The following CRACR2A variants were observed in gnomAD, a reference collection of about 807,000 sequenced individuals.
CRACR2A encodes calcium release activated channel regulator 2A.
CRACR2A carries 79 observed loss-of-function variants against 90.5 expected under a neutral mutation model. The ratio of observed to expected loss-of-function variants is 0.87; its 90% CI spans 0.73 to 1.05. The LOEUF (loss-of-function observed/expected upper bound fraction) is 1.05, where lower values mean the gene tolerates loss of function less well. Ranked by LOEUF, CRACR2A falls within the 50% of genes least tolerant of loss-of-function variation. The pLI, the probability that CRACR2A is intolerant of heterozygous loss-of-function variation, is 0.00. For synonymous variants in CRACR2A, 338 were observed against 356.7 expected (o/e 0.95, Z 0.59); for missense variants, 823 against 897.2 (o/e 0.92, Z 1.06).
intron 3 of CRACR2A, among the ~76,000 whole-genome samples, chr12:3,709,778 A>G (rs1443267353): frequency 6.6e-6 from 1 of 152,270 alleles, no homozygotes; most frequent in Non-Finnish European, 1.5e-5. Context: ...CTCCGTCTCA[A>G]GAAAAAAAAT....
chr12:3,668,908 G>A (rs1565482737), intron 7 of CRACR2A, among the ~76,000 whole-genome samples: 1 of 152,236 alleles, frequency 6.6e-6, no homozygotes, highest in Non-Finnish European at 1.5e-5. Context: ...CAGATAAGGA[G>A]CTGATTCCAA....
intron 7 of CRACR2A, among the ~76,000 whole-genome samples, chr12:3,668,833 T>G (rs1945192567): frequency 6.6e-6 from 1 of 151,992 alleles, no homozygotes. Flanking sequence ...GGCTGCAACT[T>G]AAGGGCCTGT....
chr12:3,703,306 T>C (rs184320260), intron 3 of CRACR2A, among the ~76,000 whole-genome samples: 25 of 152,268 alleles, frequency 1.6e-4, no homozygotes, highest in Admixed American at 1.3e-3. Flanking sequence ...AGGATGGTCT[T>C]GATCTCCTGA....
chr12:3,720,401 C>T lies in CRACR2A; in HGVS notation c.-117-7084G>A, dbSNP rs1404350123. Among the ~76,000 whole-genome samples the T allele has an allele frequency of 1.7e-4, 9 of 53,860 alleles. No individual in the cohort carries two copies. The East Asian group carries it at 3.0e-3, about 18-fold the overall frequency. 35.3% of individuals were successfully genotyped at this position (53,860 alleles called of 152,430 possible). A position where few individuals can be genotyped will look rare whatever the true frequency, so the allele number is the denominator to read the frequency against. ...GAAGGAAGGGGGAGGGGGGGAGGGA[C>T]GGAGTGAGAGAGAGGAAGAAAGAAA... On this transcript the variant is annotated intron_variant, in intron 2 of 19. Transcript: ENST00000440314.
intron 7 of CRACR2A, among the ~76,000 whole-genome samples, chr12:3,668,495 T>C (rs895437240): frequency 2.0e-5 from 3 of 152,164 alleles, no homozygotes; most frequent in Non-Finnish European, 4.4e-5. Context: ...TCAAGAACTA[T>C]GCAGCTGAGG....
At chr12:3,679,123 C>A (rs1945397456) in intron 5 of CRACR2A, 25 bp from the exon 6 acceptor site, 2 of 1,588,594 alleles carry the variant, frequency 1.3e-6, no homozygotes, top group Admixed American at 1.8e-5. Flanking sequence ...GCACAAGGAT[C>A]CGAATTAGAC....
In CRACR2A at chr12:3,615,334, G is replaced by A. The variant is rs762395693; in HGVS notation, c.*21C>T. 6.5e-7 allele frequency: 1 copy of A among 1,549,188 alleles called. No individual in the cohort carries two copies. Among genetic ancestry groups the A allele is most frequent in the South Asian group, 1.2e-5 (1 of 84,022 alleles). Reference sequence around the variant, plus strand: ...GCTCTGTGACCTCAGGTTTGCTGGGGGCAGTCCTTGTAGGACCCTATCAGC... The same window carrying A: ...GCTCTGTGACCTCAGGTTTGCTGGGAGCAGTCCTTGTAGGACCCTATCAGC... On this transcript the variant is annotated 3_prime_UTR_variant, in exon 20 of 20. Transcript: ENST00000440314.
chr12:3,697,328 A>G (rs1196093730), intron 3 of CRACR2A, among the ~76,000 whole-genome samples: 1 of 152,212 alleles, frequency 6.6e-6, no homozygotes, highest in Non-Finnish European at 1.5e-5. Flanking sequence ...CTTCCCATTT[A>G]AACAACCAAA....
At chr12:3,704,371 G>C (rs1945882373) in intron 3 of CRACR2A, among the ~76,000 whole-genome samples, 1 of 152,194 alleles carries the variant, frequency 6.6e-6, no homozygotes. Flanking sequence ...ACAGTAGGCA[G>C]GAGTGAGAAG....
chr12:3,653,031 G>T (rs1944821936), intron 10 of CRACR2A, among the ~76,000 whole-genome samples: 2 of 152,016 alleles, frequency 1.3e-5, no homozygotes, highest in Admixed American at 6.6e-5. Flanking sequence ...CACCCAAGCT[G>T]GAGTGCAGTG....
intron 10 of CRACR2A, among the ~76,000 whole-genome samples, chr12:3,648,918 T>C (rs1467615301): frequency 6.6e-6 from 1 of 152,150 alleles, no homozygotes; most frequent in East Asian, 1.9e-4. Context: ...ACCCAGCTCA[T>C]TCCACAGCCA....
At chr12:3,631,436 G>A (rs147018420) in intron 15 of CRACR2A, among the ~76,000 whole-genome samples, 401 of 152,244 alleles carry the variant, frequency 2.6e-3, no homozygotes, top group African/African-American at 8.9e-3. Context: ...CCCTCTCCCT[G>A]CCTCCCCCAG....
chr12:3,719,057 A>C (rs968838329), intron 2 of CRACR2A, among the ~76,000 whole-genome samples: 2 of 152,192 alleles, frequency 1.3e-5, no homozygotes, highest in Admixed American at 1.3e-4. Flanking sequence ...CCACAGGTTA[A>C]AGCAAAGTAG....
At chr12:3,664,814 C>T (rs956252785) in intron 7 of CRACR2A, among the ~76,000 whole-genome samples, 2 of 152,198 alleles carry the variant, frequency 1.3e-5, no homozygotes, top group African/African-American at 4.8e-5. Flanking sequence ...CAAAACCAGC[C>T]TGACCAACAT....
chr12:3,717,472 A>G (rs1946098812), intron 2 of CRACR2A, among the ~76,000 whole-genome samples: 1 of 152,206 alleles, frequency 6.6e-6, no homozygotes, highest in African/African-American at 2.4e-5. Context: ...AAGTCAGGTT[A>G]TGTTCTCAGC....
At chr12:3,752,337 GACACACACAC>G in intron 1 of CRACR2A, among the ~76,000 whole-genome samples, 1 of 68,816 alleles carries the variant, frequency 1.5e-5, no homozygotes, top group South Asian at 8.0e-4. Context: ...CACACACACG[GACACACACAC>G]ACACACACGG....
intron 7 of CRACR2A, among the ~76,000 whole-genome samples, chr12:3,664,833 C>G (rs1361085743): frequency 6.6e-6 from 1 of 152,170 alleles, no homozygotes; most frequent in Admixed American, 6.5e-5. Context: ...ATGGCGAAAT[C>G]CCCTCTCTGC....
intron 4 of CRACR2A, among the ~76,000 whole-genome samples, chr12:3,683,439 TGAG>T (rs1945492604): frequency 6.6e-6 from 1 of 152,146 alleles, no homozygotes; most frequent in Non-Finnish European, 1.5e-5. Flanking sequence ...AAGAGAGGCA[TGAG>T]GAGGAACTCA....
intron 7 of CRACR2A, among the ~76,000 whole-genome samples, chr12:3,671,907 G>A (rs916506869): frequency 7.9e-5 from 12 of 152,242 alleles, no homozygotes; most frequent in African/African-American, 2.9e-4. Context: ...GAGACTCAGA[G>A]AGGTTAGGTA....
Sources: gnomAD v4.1 joint callset for allele counts (sites outside exome capture counted in the v4.1 genomes callset) on GRCh38, gnomAD v4.1.1 for gene constraint, MANE v1.5 for transcripts, NCBI Gene and HGNC (gene_info 2026-07-23, HGNC 2026-07-21) for gene names.